The following STARD13 variants were observed in gnomAD, a reference collection of about 807,000 sequenced individuals.
STARD13 encodes StAR related lipid transfer domain containing 13.
In STARD13, 62 loss-of-function variants were observed where a neutral mutation model predicts 106.4. The observed-to-expected ratio is 0.58, with a 90% CI of 0.48 to 0.72. STARD13 has a LOEUF of 0.72. STARD13 is among the 30% of genes least tolerant of loss of function. The pLI is 0.00. For synonymous variants in STARD13, 565 were observed against 553.0 expected, an observed-to-expected ratio of 1.02 and a Z score of -0.31; for missense variants, 1,387 against 1,424.0, an observed-to-expected ratio of 0.97 and a Z score of 0.42.
At chr13:33,287,802 C>G (rs1892134243), upstream of STARD13, among the ~76,000 whole-genome samples, 1 of 151,842 alleles carries the variant, frequency 6.6e-6, no homozygotes. Flanking sequence ...GTGGTTATCA[C>G]TTTTTTACTG....
Position 33,129,371 on chromosome 13 carries a change from C to G in STARD13, c.1306G>C (p.Glu436Gln), listed in dbSNP as rs1877825544. 6.2e-7 allele frequency: 1 copy of G among 1,614,152 alleles called. No homozygotes were observed. The highest frequency in any genetic ancestry group is 1.1e-5 in the South Asian group (1 of 91,080). Residue 436 changes from glutamate (E) to glutamine (Q), a missense_variant, in exon 5 of 14, where the codon GAG (glutamate) becomes CAG (glutamine). Physicochemically the swap from Glu to Gln is conservative, Grantham distance 29. Coordinates refer to ENST00000336934, the MANE Select transcript of STARD13 (RefSeq NM_178006.4). ...GGCTCCCTGGCACCAGGGACCTGCT[C>G]TCTGCCCAGGGAGATGCTACCGGTC... ...WRTGSISLGR[E>Q]QVPGAREPRL...
the STARD13 span, among the ~76,000 whole-genome samples, chr13:33,617,938 A>C: frequency 6.6e-6 from 1 of 152,248 alleles, no homozygotes; most frequent in African/African-American, 2.4e-5. Context: ...GTCCTATTTT[A>C]GAGCAGGAGG....
chr13:33,490,314 C>T, the STARD13 span, among the ~76,000 whole-genome samples: 2 of 152,248 alleles, frequency 1.3e-5, no homozygotes, highest in South Asian at 4.1e-4. Context: ...AAGGCCCCAC[C>T]CTCAAGCCTG....
the STARD13 span, among the ~76,000 whole-genome samples, chr13:33,463,462 G>A: frequency 3.3e-4 from 50 of 152,312 alleles, no homozygotes; most frequent in African/African-American, 1.0e-3. Context: ...CTGACATTGC[G>A]CACTGGTGGA....
At chr13:33,625,710 C>CT in the STARD13 span, among the ~76,000 whole-genome samples, 75 of 118,076 alleles carry the variant, frequency 6.4e-4, no homozygotes, top group Middle Eastern at 4.1e-3. Flanking sequence ...TAATGGTACC[C>CT]TTTTTTTTTT....
chr13:33,290,966 A>G (rs1236890037), intron 1 of STARD13, among the ~76,000 whole-genome samples: 1 of 152,010 alleles, frequency 6.6e-6, no homozygotes, highest in Non-Finnish European at 1.5e-5. Context: ...ATACCTGTAA[A>G]CCACTGTTAT....
At chr13:33,201,335 C>T (rs540619315) in intron 1 of STARD13, among the ~76,000 whole-genome samples, 5 of 152,152 alleles carry the variant, frequency 3.3e-5, no homozygotes, top group Admixed American at 6.5e-5. Flanking sequence ...CATCAAATCC[C>T]GTGTTCAACT....
intron 8 of STARD13, chr13:33,113,217 A>G (rs1874874554): frequency 4.3e-6 from 2 of 468,044 alleles, no homozygotes; most frequent in South Asian, 2.5e-5. Flanking sequence ...GGTTTTCTGT[A>G]TTCTGAGCAA....
At chr13:33,543,461 TCAA>T in the STARD13 span, among the ~76,000 whole-genome samples, 1 of 152,188 alleles carries the variant, frequency 6.6e-6, no homozygotes, top group African/African-American at 2.4e-5. Flanking sequence ...GTTAGTAAAA[TCAA>T]CACATTTTCC....
chr13:33,174,125 T>A (rs948238616), intron 1 of STARD13, among the ~76,000 whole-genome samples: 1 of 152,156 alleles, frequency 6.6e-6, no homozygotes, highest in Non-Finnish European at 1.5e-5. Flanking sequence ...CTAAGCAGGT[T>A]TATTCCTCGT....
the STARD13 span, among the ~76,000 whole-genome samples, chr13:33,414,829 T>C: frequency 2.0e-5 from 3 of 152,024 alleles, no homozygotes; most frequent in Non-Finnish European, 4.4e-5. Flanking sequence ...TTAGGATCAA[T>C]ATTATTAATC....
intron 1 of STARD13, among the ~76,000 whole-genome samples, chr13:33,253,495 G>A (rs1890188436): frequency 6.6e-6 from 1 of 152,132 alleles, no homozygotes; most frequent in African/African-American, 2.4e-5. Context: ...ACTAAATGAA[G>A]GTTCCACCTA....
the STARD13 span, among the ~76,000 whole-genome samples, chr13:33,607,725 C>T: frequency 6.6e-6 from 1 of 151,962 alleles, no homozygotes; most frequent in African/African-American, 2.4e-5. Flanking sequence ...TTTATGCAAA[C>T]TATTAGAACA....
chr13:33,578,702 G>C, the STARD13 span, among the ~76,000 whole-genome samples: 1 of 152,044 alleles, frequency 6.6e-6, no homozygotes, highest in African/African-American at 2.4e-5. Flanking sequence ...ATAATCATCA[G>C]AGTAAACAGA....
intron 10 of STARD13, among the ~76,000 whole-genome samples, chr13:33,111,292 G>C (rs1874526692): frequency 6.6e-6 from 1 of 152,192 alleles, no homozygotes; most frequent in Admixed American, 6.5e-5. Flanking sequence ...CTTGGGAATA[G>C]CTTTACTTTT....
intron 1 of STARD13, among the ~76,000 whole-genome samples, chr13:33,319,302 C>A (rs1348745675): frequency 6.6e-6 from 1 of 152,092 alleles, no homozygotes; most frequent in Non-Finnish European, 1.5e-5. Flanking sequence ...CAAAGGCCAC[C>A]TATTTTATGA....
At chr13:33,648,783 C>CTTTTTTTTTT in the STARD13 span, among the ~76,000 whole-genome samples, 13 of 77,010 alleles carry the variant, frequency 1.7e-4, no homozygotes, top group African/African-American at 4.1e-4. Flanking sequence ...TTTTCTCTTT[C>CTTTTTTTTTT]TTTTTTTTTT....
the STARD13 span, among the ~76,000 whole-genome samples, chr13:33,561,218 C>T: frequency 6.6e-6 from 1 of 150,808 alleles, no homozygotes; most frequent in Non-Finnish European, 1.5e-5. Flanking sequence ...AGAGGAAATC[C>T]AGAACATTGT....
the STARD13 span, among the ~76,000 whole-genome samples, chr13:33,423,527 A>T: frequency 6.6e-6 from 1 of 152,244 alleles, no homozygotes; most frequent in African/African-American, 2.4e-5. Flanking sequence ...ATTGTGGAAG[A>T]CAGTGTGGCG....
Sources: gnomAD v4.1 joint callset for allele counts (sites outside exome capture counted in the v4.1 genomes callset) on GRCh38, gnomAD v4.1.1 for gene constraint, MANE v1.5 for transcripts, NCBI Gene and HGNC (gene_info 2026-07-23, HGNC 2026-07-21) for gene names.